The following PBX1 variants were observed in gnomAD, a reference collection of about 807,000 sequenced individuals.
PBX1 encodes pre-B-cell leukemia transcription factor 1.
In PBX1, 6 loss-of-function variants were observed where a neutral mutation model predicts 53.4. The observed-to-expected ratio is 0.11, with a 90% CI of 0.06 to 0.22. The LOEUF (loss-of-function observed/expected upper bound fraction) is 0.22, where lower values mean the gene tolerates loss of function less well. Among genes scored for constraint, PBX1 ranks in the 10% least tolerant of loss-of-function variants. PBX1 has a pLI of 1.00. For synonymous variants in PBX1, 204 were observed against 212.3 expected (o/e 0.96, Z 0.34); for missense variants, 251 against 551.4 (o/e 0.46, Z 5.46).
At chr1:164,733,599 G>A (rs747489602) in intron 2 of PBX1, among the ~76,000 whole-genome samples, 1 of 152,250 alleles carries the variant, frequency 6.6e-6, no homozygotes, top group African/African-American at 2.4e-5. Context: ...ATACTATGTA[G>A]TATGTTTTTG....
chr1:164,873,676 A>G lies in PBX1; in HGVS notation n.258-25512A>G, dbSNP rs560501832. Among the ~76,000 whole-genome samples, 3 of 152,330 alleles carry G rather than the reference A, an allele frequency of 2.0e-5. No homozygotes were observed. The East Asian group carries it at 5.8e-4, about 29-fold the overall frequency. On this transcript the variant is annotated intron_variant and non_coding_transcript_variant, in intron 2 of 2. Coordinates refer to the PBX1 transcript ENST00000558796. ...AAACACAGCATCAAAGGAAAGCCAG[A>G]GATATCCTTTTTGATATTCTCTCAA... is the stretch of plus-strand genomic sequence containing the variant.
chr1:164,826,444 AC>A (rs1317611597), intron 8 of PBX1, among the ~76,000 whole-genome samples: 3 of 151,932 alleles, frequency 2.0e-5, no homozygotes, highest in Non-Finnish European at 4.4e-5. Flanking sequence ...TCGCTCTGTC[AC>A]CCAGGCTGGA....
At position 164,700,028 on chromosome 1, in the gene PBX1, C is replaced by T. The variant is rs141255384; in HGVS notation, c.266-92466C>T. 4.9e-3 allele frequency among the ~76,000 whole-genome samples: 751 copies of T among 152,248 alleles called. 6 individuals carry two copies. The highest frequency in any genetic ancestry group is 0.017 in the African/African-American group (698 of 41,550). ...GGTGCTCATGGGAAAATAAACCATC[C>T]GCATATAAGAAATGAATGAGGTAAT... On this transcript the variant is annotated intron_variant, in intron 2 of 8. Coordinates refer to ENST00000420696, the MANE Select transcript of PBX1 (RefSeq NM_002585.4).
intron 2 of PBX1, among the ~76,000 whole-genome samples, chr1:164,646,387 G>A (rs1659453231): frequency 6.6e-6 from 1 of 152,182 alleles, no homozygotes; most frequent in South Asian, 2.1e-4. Flanking sequence ...CAGTAGGAAA[G>A]CTTGTCATTG....
chr1:164,564,629 C>A (rs999135543), intron 2 of PBX1, among the ~76,000 whole-genome samples: 9 of 152,134 alleles, frequency 5.9e-5, no homozygotes, highest in African/African-American at 2.2e-4. Context: ...ACCTCTAAGT[C>A]TTCCAGGTTG....
intron 2 of PBX1, among the ~76,000 whole-genome samples, chr1:164,694,430 G>A (rs1008360012): frequency 2.6e-5 from 4 of 152,176 alleles, no homozygotes; most frequent in Non-Finnish European, 5.9e-5. Context: ...CATCCCCAGT[G>A]AGGAGTACAA....
chr1:164,709,337 G>A (rs58020544), intron 2 of PBX1, among the ~76,000 whole-genome samples: 4,274 of 152,230 alleles, frequency 0.028, 228 homozygotes, highest in African/African-American at 0.098. Flanking sequence ...AAATCCTCTA[G>A]TCTTGTTCAC....
intron 2 of PBX1, among the ~76,000 whole-genome samples, chr1:164,865,387 G>A (rs1401368157): frequency 6.6e-6 from 1 of 152,192 alleles, no homozygotes; most frequent in Admixed American, 6.5e-5. Context: ...GAACCAGCTG[G>A]ATAAGAAATC....
At chr1:164,690,244 C>T (rs1662386630) in intron 2 of PBX1, among the ~76,000 whole-genome samples, 1 of 151,948 alleles carries the variant, frequency 6.6e-6, no homozygotes, top group South Asian at 2.1e-4. Context: ...AGGGAGGGGC[C>T]TGTGGATCTC....
chr1:164,597,002 C>T (rs1655807615), intron 2 of PBX1, among the ~76,000 whole-genome samples: 1 of 152,166 alleles, frequency 6.6e-6, no homozygotes, highest in African/African-American at 2.4e-5. Context: ...GGATCAGTTA[C>T]TTGCATGCAC....
intron 2 of PBX1, chr1:164,700,648 C>T (rs1663064806): frequency 2.0e-6 from 2 of 985,230 alleles, no homozygotes; most frequent in African/African-American, 1.7e-5. Flanking sequence ...TAAAGGTGAT[C>T]GTGTCAGGTG....
intron 2 of PBX1, among the ~76,000 whole-genome samples, chr1:164,621,888 C>A (rs73018921): frequency 0.018 from 2,682 of 151,982 alleles, 80 homozygotes; most frequent in African/African-American, 0.061. Flanking sequence ...GAAGTTAGGA[C>A]CAGAAGAAAA....
In PBX1 at chr1:164,572,936, G is replaced by C. The variant is rs1320426903; in HGVS notation, c.265+9625G>C. Among the ~76,000 whole-genome samples the C allele has an allele frequency of 2.0e-5, 3 of 152,026 alleles. 1 individual carries two copies. Among genetic ancestry groups the C allele is most frequent in the African/African-American group, 7.3e-5 (3 of 41,378 alleles). On this transcript the variant is annotated intron_variant, in intron 2 of 8. Coordinates refer to ENST00000420696, the MANE Select transcript of PBX1 (RefSeq NM_002585.4). ...TCCTGACCCTGCTTTTATGTTAAAT[G>C]GTTGTCAGTGTGAGAGAAATAAAAG...
chr1:164,579,753 C>T (rs1355823253), intron 2 of PBX1, among the ~76,000 whole-genome samples: 1 of 152,024 alleles, frequency 6.6e-6, no homozygotes, highest in East Asian at 1.9e-4. Flanking sequence ...TGGAATGAAA[C>T]TGAACAGAGA....
At chr1:164,572,747 A>T (rs1653960800) in intron 2 of PBX1, among the ~76,000 whole-genome samples, 1 of 152,208 alleles carries the variant, frequency 6.6e-6, no homozygotes, top group South Asian at 2.1e-4. Context: ...ACTGATGTAA[A>T]GCACATAGTT....
chr1:164,577,396 T>A (rs1473997354), intron 2 of PBX1, among the ~76,000 whole-genome samples: 2 of 152,172 alleles, frequency 1.3e-5, no homozygotes, highest in Non-Finnish European at 2.9e-5. Flanking sequence ...GCTGCCTTAT[T>A]TTTACCAGTC....
chr1:164,683,095 A>G (rs1235918287), intron 2 of PBX1: 1 of 152,188 alleles, frequency 6.6e-6, no homozygotes, highest in African/African-American at 2.4e-5. Flanking sequence ...TGAAAACTCA[A>G]AGCTGCTGAT....
intron 2 of PBX1, among the ~76,000 whole-genome samples, chr1:164,718,558 G>C (rs1439981338): frequency 6.6e-6 from 1 of 152,190 alleles, no homozygotes; most frequent in Non-Finnish European, 1.5e-5. Flanking sequence ...TGGAATCACT[G>C]TGCTTCTTGT....
intron 2 of PBX1, among the ~76,000 whole-genome samples, chr1:164,572,010 G>T (rs186310738): frequency 1.3e-5 from 2 of 148,364 alleles, no homozygotes; most frequent in Admixed American, 6.8e-5. Flanking sequence ...AGGTTCAAGC[G>T]ATTCTCCTGC....
Sources: allele counts gnomAD v4.1 joint callset (sites outside exome capture counted in the v4.1 genomes callset), GRCh38; gene constraint gnomAD v4.1.1; transcripts MANE v1.5; gene names NCBI Gene and HGNC (gene_info 2026-07-23, HGNC 2026-07-21).